The following MAD1L1 variants were observed in gnomAD, a reference collection of about 807,000 sequenced individuals.
MAD1L1 encodes the protein mitotic spindle assembly checkpoint protein MAD1.
A neutral mutation model predicts 96.9 loss-of-function variants in MAD1L1; 95 were observed. The ratio of observed to expected loss-of-function variants is 0.98; its 90% confidence interval spans 0.83 to 1.16. The LOEUF (loss-of-function observed/expected upper bound fraction) is 1.16. Among genes scored for constraint, MAD1L1 ranks in the 50% most tolerant of loss-of-function variants. The probability of loss-of-function intolerance (pLI) is 0.00; values close to 1 mark genes in which losing one functional copy is unlikely to be tolerated. For missense variants in MAD1L1, 1,007 were observed against 954.4 expected, an observed-to-expected ratio of 1.06 and a Z score of -0.73; for synonymous variants, 473 against 396.6, an observed-to-expected ratio of 1.19 and a Z score of -2.29.
intron 11 of MAD1L1, among the ~76,000 whole-genome samples, chr7:2,111,468 T>C (rs1302481769): frequency 6.6e-6 from 1 of 151,454 alleles, no homozygotes. Flanking sequence ...AGAACAGAGA[T>C]CAATGAAAAA....
At chr7:2,121,710 C>T (rs907584922) in intron 11 of MAD1L1, among the ~76,000 whole-genome samples, 63 of 149,024 alleles carry the variant, frequency 4.2e-4, no homozygotes, top group African/African-American at 1.5e-3. Context: ...CAGGAGTCCT[C>T]GAGGGTTGGG....
intron 18 of MAD1L1, among the ~76,000 whole-genome samples, chr7:1,844,809 G>T: frequency 6.6e-6 from 1 of 152,192 alleles, no homozygotes; most frequent in East Asian, 1.9e-4. Context: ...CAGTCAGCAG[G>T]GCTGTGGCCG....
At chr7:1,950,276 T>C (rs970561965) in intron 16 of MAD1L1, among the ~76,000 whole-genome samples, 3 of 151,994 alleles carry the variant, frequency 2.0e-5, no homozygotes, top group African/African-American at 4.8e-5. Context: ...CACCATGTGA[T>C]AGGGAAGTGA....
rs551243107 is a variant in MAD1L1 at position 2,078,138 on chromosome 7, G to A, written c.1074-8800C>T. ...CTCCGGCCTGGAGACCGGCACGACAGACGCAGGCTCCTTGTGTATCTGAGG... is the reference window on the plus strand; with the variant it reads ...CTCCGGCCTGGAGACCGGCACGACAAACGCAGGCTCCTTGTGTATCTGAGG... On this transcript the variant is annotated intron_variant, in intron 11 of 18. Coordinates refer to ENST00000265854, the MANE Select transcript of MAD1L1 (RefSeq NM_001013836.2). Among the ~76,000 whole-genome samples, 42 of 152,310 alleles carry A rather than the reference G, an allele frequency of 2.8e-4. 1 individual carries two copies. The South Asian group carries it at 7.5e-3, about 27-fold the overall frequency.
chr7:1,936,170 CA>C (rs1285729278), intron 17 of MAD1L1, among the ~76,000 whole-genome samples: 1 of 152,234 alleles, frequency 6.6e-6, no homozygotes, highest in Non-Finnish European at 1.5e-5. Context: ...ACCACCTCCC[CA>C]CATCAGGGGA....
intron 11 of MAD1L1, among the ~76,000 whole-genome samples, chr7:2,132,209 G>C (rs1395003582): frequency 6.6e-6 from 1 of 152,110 alleles, no homozygotes; most frequent in Non-Finnish European, 1.5e-5. Context: ...GAGGAGAAAT[G>C]AGAGTTCTCA....
intron 12 of MAD1L1, among the ~76,000 whole-genome samples, chr7:2,021,701 G>A (rs1782795081): frequency 6.6e-6 from 1 of 152,064 alleles, no homozygotes; most frequent in South Asian, 2.1e-4. Flanking sequence ...GGAAGTGGAG[G>A]CTATAGTGAG....
intron 11 of MAD1L1, among the ~76,000 whole-genome samples, chr7:2,090,726 T>C (rs1584295666): frequency 1.3e-5 from 2 of 152,210 alleles, no homozygotes; most frequent in African/African-American, 4.8e-5. Flanking sequence ...GCTACAGGTC[T>C]GTAAAGAACC....
intron 12 of MAD1L1, among the ~76,000 whole-genome samples, chr7:2,052,171 C>T (rs1184297776): frequency 5.9e-5 from 9 of 152,154 alleles, no homozygotes; most frequent in Admixed American, 4.6e-4. Context: ...AGGGTGACCA[C>T]GGACAAGGGC....
chr7:1,946,107 G>A (rs1366284565), intron 16 of MAD1L1, among the ~76,000 whole-genome samples: 3 of 152,204 alleles, frequency 2.0e-5, no homozygotes, highest in Admixed American at 6.5e-5. Flanking sequence ...GGGCTCTGCA[G>A]CCCAGGAGGC....
At chr7:1,897,864 A>G (rs10257349) in intron 18 of MAD1L1, among the ~76,000 whole-genome samples, 104,761 of 152,152 alleles carry the variant, frequency 0.69, 36,533 homozygotes, top group African/African-American at 0.8. Context: ...CCCAGGCACC[A>G]CTGCCTCTGG....
chr7:2,133,306 G>T (rs931353736), intron 11 of MAD1L1, among the ~76,000 whole-genome samples: 2 of 152,068 alleles, frequency 1.3e-5, no homozygotes, highest in African/African-American at 4.8e-5. Context: ...TTTCAATGCT[G>T]AGCATCTCCG....
chr7:2,054,731 G>T (rs1784317469), intron 12 of MAD1L1, among the ~76,000 whole-genome samples: 1 of 152,220 alleles, frequency 6.6e-6, no homozygotes, highest in Admixed American at 6.5e-5. Flanking sequence ...TGGAAGCCGG[G>T]CTGGCCAGCG....
intron 15 of MAD1L1, among the ~76,000 whole-genome samples, chr7:1,960,755 TC>T (rs1243615937): frequency 5.3e-5 from 8 of 152,008 alleles, no homozygotes; most frequent in Admixed American, 5.2e-4. Context: ...GGGCAAAAAA[TC>T]AGGAGGACAA....
At chr7:1,826,959 C>G (rs1782425317) in intron 18 of MAD1L1, among the ~76,000 whole-genome samples, 1 of 152,204 alleles carries the variant, frequency 6.6e-6, no homozygotes, top group Non-Finnish European at 1.5e-5. Context: ...CCCAAACCAA[C>G]AATTATTATT....
chr7:2,117,611 G>A (rs745511123), intron 11 of MAD1L1, among the ~76,000 whole-genome samples: 1 of 152,090 alleles, frequency 6.6e-6, no homozygotes, highest in South Asian at 2.1e-4. Context: ...CCTTTTGCTC[G>A]GCACTTCTCC....
At chr7:1,898,487 G>T in intron 17 of MAD1L1, 97 bp from the exon 18 acceptor site, 1 of 1,024,430 alleles carries the variant, frequency 9.8e-7, no homozygotes. Flanking sequence ...GAGTACAGGT[G>T]GGAGTGGCGG....
In MAD1L1 at chr7:1,916,215, C is replaced by A. The variant is rs571039231; in HGVS notation, c.1808-17825G>T. On this transcript the variant is annotated intron_variant, in intron 17 of 18. Coordinates refer to ENST00000265854, the MANE Select transcript of MAD1L1 (RefSeq NM_001013836.2). ...CAAACGGGTGAAGCCGCCTCGGAAA[C>A]CGTAAGGCAGCTCCTCTCCTCCCTA... Among the ~76,000 whole-genome samples, 3 of 152,312 alleles carry A rather than the reference C, an allele frequency of 2.0e-5. No individual in the cohort carries two copies. In the South Asian group the frequency reaches 6.2e-4, roughly 32 times the overall value.
intron 18 of MAD1L1, among the ~76,000 whole-genome samples, chr7:1,824,142 C>G (rs1432451481): frequency 6.6e-6 from 1 of 152,090 alleles, no homozygotes; most frequent in Non-Finnish European, 1.5e-5. Flanking sequence ...TCCCGGCCAC[C>G]AGCACACACC....
Sources: allele counts gnomAD v4.1 joint callset (sites outside exome capture counted in the v4.1 genomes callset), GRCh38; gene constraint gnomAD v4.1.1; transcripts MANE v1.5; gene names NCBI Gene and HGNC (gene_info 2026-07-23, HGNC 2026-07-21).